The following GOLGA8B variants were observed in gnomAD, a reference collection of about 807,000 sequenced individuals.
GOLGA8B encodes golgin subfamily A member 8B.
In GOLGA8B, 1 loss-of-function variant was observed where a neutral mutation model predicts 15.6. That is an observed-to-expected ratio of 0.06 (90% CI 0.02 to 0.30). The LOEUF is 0.30. Among genes scored for constraint, GOLGA8B ranks in the 10% least tolerant of loss-of-function variants. The pLI, the probability that GOLGA8B is intolerant of heterozygous loss-of-function variation, is 1.00. For synonymous variants in GOLGA8B, 9 were observed against 80.3 expected, an observed-to-expected ratio of 0.11 and a Z score of 4.75; for missense variants, 17 against 201.3, an observed-to-expected ratio of 0.08 and a Z score of 5.54.
chr15:34,583,463 G>A (rs1338535796), intron 1 of GOLGA8B, 53 bp downstream of exon 1: 1 of 151,554 alleles, frequency 6.6e-6, no homozygotes, highest in Non-Finnish European at 1.5e-5. Flanking sequence ...CGCCGCGGGC[G>A]GCCCCAGGTT....
intron 1 of GOLGA8B, among the ~76,000 whole-genome samples, chr15:34,560,011 G>A (rs1375200747): frequency 2.7e-5 from 4 of 149,516 alleles, no homozygotes; most frequent in Non-Finnish European, 5.9e-5. Context: ...ACCAAAATGA[G>A]CCATGAGTAA....
rs1888066702 is a variant in GOLGA8B, at chr15:34,526,824, C to T, written c.*808G>A. The T allele has an allele frequency of 6.7e-6, 1 of 149,270 alleles. No individual in the cohort carries two copies. Among genetic ancestry groups the T allele is most frequent in the Non-Finnish European group, 1.5e-5 (1 of 67,220 alleles). The allele number at this position is 149,270 out of a possible 1,614,324, so 9.2% of individuals were successfully genotyped here. ...CCTCGGAAATAAGCCATTTTTAGGT[C>T]ACTGAAAAAGAGTGCAACTGCTGCA... is the stretch of plus-strand genomic sequence containing the variant. On this transcript the variant is annotated 3_prime_UTR_variant, in exon 24 of 24. Coordinates refer to ENST00000683415, the MANE Select transcript of GOLGA8B (RefSeq NM_001023567.5).
In GOLGA8B at chr15:34,527,373, T is replaced by C; in HGVS notation, c.*259A>G. 2 of 458,166 alleles carry C rather than the reference T, an allele frequency of 4.4e-6. No individual in the cohort carries two copies. Among genetic ancestry groups the C allele is most frequent in the Non-Finnish European group, 7.7e-6 (2 of 261,220 alleles). The allele number at this position is 458,166 out of a possible 1,614,324, so 28.4% of individuals were successfully genotyped here. ...TCCCACCACGTAAGGGCAAACTCGATATGCATGCTAATGACCTACAATTAT... is the reference window on the plus strand; with the variant it reads ...TCCCACCACGTAAGGGCAAACTCGACATGCATGCTAATGACCTACAATTAT... On this transcript the variant is annotated 3_prime_UTR_variant, in exon 24 of 24. Coordinates refer to ENST00000683415, the MANE Select transcript of GOLGA8B (RefSeq NM_001023567.5).
chr15:34,583,073 C>A (rs1242439833), intron 1 of GOLGA8B, among the ~76,000 whole-genome samples: 2 of 152,160 alleles, frequency 1.3e-5, no homozygotes, highest in Admixed American at 1.3e-4. Flanking sequence ...CAGAGGCGAC[C>A]CCAAACTCAG....
intron 1 of GOLGA8B, among the ~76,000 whole-genome samples, chr15:34,554,284 C>G (rs75570794): frequency 6.6e-6 from 1 of 152,290 alleles, no homozygotes; most frequent in African/African-American, 2.4e-5. Context: ...CCTGGCTGAG[C>G]TGATCACCGC....
chr15:34,569,844 G>A (rs996419523), intron 1 of GOLGA8B, among the ~76,000 whole-genome samples: 2 of 151,396 alleles, frequency 1.3e-5, no homozygotes, highest in African/African-American at 4.9e-5. Context: ...GTCAAGGCTA[G>A]AACATAAATG....
intron 1 of GOLGA8B, among the ~76,000 whole-genome samples, chr15:34,580,118 G>T (rs1889190275): frequency 1.3e-5 from 2 of 152,176 alleles, no homozygotes; most frequent in Admixed American, 1.3e-4. Context: ...AGAGTGGCCT[G>T]GCAAATCCGA....
intron 1 of GOLGA8B, among the ~76,000 whole-genome samples, chr15:34,559,943 T>C (rs1888582506): frequency 6.7e-6 from 1 of 149,660 alleles, no homozygotes; most frequent in African/African-American, 2.5e-5. Context: ...ACCTGGCGTG[T>C]GTGGTCGTGG....
At chr15:34,564,023 A>T (rs349647) in intron 1 of GOLGA8B, among the ~76,000 whole-genome samples, 42,273 of 112,998 alleles carry the variant, frequency 0.37, 10,074 homozygotes, top group Admixed American at 0.5. Flanking sequence ...AGCTCTAGTT[A>T]ACACAGTAAT....
At chr15:34,548,333 A>ATT (rs1247228707) in intron 4 of GOLGA8B, among the ~76,000 whole-genome samples, 2 of 150,520 alleles carry the variant, frequency 1.3e-5, no homozygotes, top group Non-Finnish European at 1.5e-5. Flanking sequence ...ACAAAAAGAT[A>ATT]TTTTTTTTTC....
rs1229720857 is a variant in GOLGA8B, at chr15:34,525,835, C to A, written c.*1797G>T. 1 of 149,430 alleles carries A rather than the reference C, an allele frequency of 6.7e-6. No homozygotes were observed. Among genetic ancestry groups the A allele is most frequent in the African/African-American group, 2.5e-5 (1 of 40,364 alleles). 9.3% of individuals were successfully genotyped at this position (149,430 alleles called of 1,614,324 possible). On this transcript the variant is annotated 3_prime_UTR_variant, in exon 24 of 24. Coordinates refer to ENST00000683415, the MANE Select transcript of GOLGA8B (RefSeq NM_001023567.5). ...CGTATTGCTGCTCTCCTGTTAATCT[C>A]CTATTTATAAAAGGATCATGAGGCT...
At chr15:34,556,829 C>G (rs1888500310) in intron 1 of GOLGA8B, 1 of 632,312 alleles carries the variant, frequency 1.6e-6, no homozygotes, top group Admixed American at 2.8e-5. Flanking sequence ...AGGACTCTAG[C>G]TGTCCCGGGG....
Position 34,564,638 on chromosome 15 carries a change from T to C in GOLGA8B, c.-1122-10682A>G, listed in dbSNP as rs541845230. 3.4e-5 allele frequency among the ~76,000 whole-genome samples: 5 copies of C among 145,736 alleles called. No individual in the cohort carries two copies. In the South Asian group the frequency reaches 6.4e-4, roughly 19 times the overall value. ...GATCTGTGTCTCTGCACTGACCAAA[T>C]AGAAGGTATGTGAATGTTATGGTCT... On this transcript the variant is annotated intron_variant, in intron 1 of 23. Transcript: ENST00000683415.
chr15:34,581,032 G>A (rs971567610), intron 1 of GOLGA8B, among the ~76,000 whole-genome samples: 6 of 152,214 alleles, frequency 3.9e-5, no homozygotes, highest in African/African-American at 9.6e-5. Context: ...AGGCTGAAAC[G>A]CAGGGCATGT....
intron 1 of GOLGA8B, among the ~76,000 whole-genome samples, chr15:34,576,101 C>T (rs1889072548): frequency 6.6e-6 from 1 of 152,280 alleles, no homozygotes; most frequent in Non-Finnish European, 1.5e-5. Flanking sequence ...CCTTTGTTTC[C>T]ACTATTAGAT....
intron 1 of GOLGA8B, among the ~76,000 whole-genome samples, chr15:34,563,385 G>A (rs981718005): frequency 1.4e-5 from 2 of 146,652 alleles, no homozygotes; most frequent in African/African-American, 4.9e-5. Flanking sequence ...ACTCTCCGGG[G>A]TACCTGGTGT....
intron 1 of GOLGA8B, among the ~76,000 whole-genome samples, chr15:34,581,806 C>T (rs1049500532): frequency 1.3e-5 from 2 of 152,140 alleles, no homozygotes; most frequent in Non-Finnish European, 2.9e-5. Context: ...ACAGTGGGGA[C>T]GGGCACAGAC....
intron 1 of GOLGA8B, among the ~76,000 whole-genome samples, chr15:34,578,321 C>T (rs1388591221): frequency 7.2e-5 from 11 of 152,206 alleles, no homozygotes; most frequent in Admixed American, 5.9e-4. Flanking sequence ...GTGAAGAGCT[C>T]ACGTCATCTG....
At chr15:34,569,192 C>T (rs1409625967) in intron 1 of GOLGA8B, among the ~76,000 whole-genome samples, 5 of 146,720 alleles carry the variant, frequency 3.4e-5, no homozygotes, top group African/African-American at 1.3e-4. Context: ...ACAACTGTTC[C>T]ACCTCTTCCA....
Sources: gnomAD v4.1 joint callset for allele counts (sites outside exome capture counted in the v4.1 genomes callset) on GRCh38, gnomAD v4.1.1 for gene constraint, MANE v1.5 for transcripts, NCBI Gene and HGNC (gene_info 2026-07-23, HGNC 2026-07-21) for gene names.